The following ASAP2 variants were observed in gnomAD, a reference collection of about 807,000 sequenced individuals.
ASAP2 encodes arf-GAP with SH3 domain, ANK repeat and PH domain-containing protein 2.
ASAP2 carries 45 observed loss-of-function variants against 131.4 expected under a neutral mutation model. That is an observed-to-expected ratio of 0.34 (90% CI 0.27 to 0.44). ASAP2 has a LOEUF of 0.44. Ranked by LOEUF, ASAP2 falls within the 20% of genes least tolerant of loss-of-function variation. The probability of loss-of-function intolerance (pLI) is 1.00; values close to 1 mark genes in which losing one functional copy is unlikely to be tolerated. For synonymous variants in ASAP2, 510 were observed against 503.0 expected (o/e 1.01, Z -0.19); for missense variants, 1,011 against 1,297.0 (o/e 0.78, Z 3.39).
At chr2:9,328,896 T>C (rs773415860) in intron 7 of ASAP2, among the ~76,000 whole-genome samples, 34 of 152,238 alleles carry the variant, frequency 2.2e-4, no homozygotes, top group Non-Finnish European at 4.7e-4. Context: ...TTTTAAAGTA[T>C]AGGAATCTAA....
intron 1 of ASAP2, among the ~76,000 whole-genome samples, chr2:9,251,768 G>A (rs190548163): frequency 1.3e-5 from 2 of 152,072 alleles, no homozygotes; most frequent in Admixed American, 6.6e-5. Context: ...CAGGAATGAC[G>A]CAAGGGGAAG....
chr2:9,331,768 C>CA (rs1162279000), intron 7 of ASAP2, among the ~76,000 whole-genome samples: 7 of 147,564 alleles, frequency 4.7e-5, no homozygotes, highest in Non-Finnish European at 9.0e-5. Flanking sequence ...TTTTTTTTTT[C>CA]AAAAAAAATA....
At position 9,388,500 on chromosome 2, in the gene ASAP2, C is replaced by T. The variant is rs76960479; in HGVS notation, c.2337C>T (p.Pro779=). The T allele has an allele frequency of 3.1e-6, 5 of 1,613,720 alleles. No homozygotes were observed. The highest frequency in any genetic ancestry group is 3.4e-6 in the Non-Finnish European group (4 of 1,179,924). ...GSPPPAQPAA[P]STTSAPPLPP... ...CACCTCCCGCCCAGCCTGCAGCCCCCAGCACCACCAGCGCCCCCCCGCTTC... is the reference window on the plus strand; with the variant it reads ...CACCTCCCGCCCAGCCTGCAGCCCCTAGCACCACCAGCGCCCCCCCGCTTC... The change falls in exon 22 of 28, where the codon CCC becomes CCT. Residue 779 remains proline, a synonymous_variant. Coordinates refer to ENST00000281419, the MANE Select transcript of ASAP2 (RefSeq NM_003887.3).
chr2:9,295,698 A>T (rs1054850229), intron 2 of ASAP2, among the ~76,000 whole-genome samples: 1 of 152,152 alleles, frequency 6.6e-6, no homozygotes, highest in Non-Finnish European at 1.5e-5. Context: ...TTGTTTGCTG[A>T]ATCTGGTCTC....
At chr2:9,237,904 C>G (rs1663668191) in intron 1 of ASAP2, among the ~76,000 whole-genome samples, 1 of 152,150 alleles carries the variant, frequency 6.6e-6, no homozygotes, top group African/African-American at 2.4e-5. Context: ...TGATCTCTGT[C>G]CCAATTCAGA....
chr2:9,365,868 T>C (rs1241789471), intron 15 of ASAP2, among the ~76,000 whole-genome samples: 3 of 152,198 alleles, frequency 2.0e-5, no homozygotes, highest in African/African-American at 7.2e-5. Context: ...AGTGTGCTCC[T>C]GAGGCCACAG....
chr2:9,238,835 G>A (rs1394290384), intron 1 of ASAP2, among the ~76,000 whole-genome samples: 2 of 152,166 alleles, frequency 1.3e-5, no homozygotes, highest in Non-Finnish European at 1.5e-5. Flanking sequence ...CTGACTTGGT[G>A]GTTCTGGTGG....
chr2:9,276,497 C>G (rs1382824969), intron 1 of ASAP2, among the ~76,000 whole-genome samples: 1 of 152,124 alleles, frequency 6.6e-6, no homozygotes, highest in Non-Finnish European at 1.5e-5. Flanking sequence ...AGTGCCTGGG[C>G]TGGGACCTGC....
chr2:9,320,955 C>T (rs775094325), intron 5 of ASAP2, among the ~76,000 whole-genome samples: 2 of 152,106 alleles, frequency 1.3e-5, no homozygotes, highest in Non-Finnish European at 2.9e-5. Flanking sequence ...TGTAACTTCC[C>T]CAATCACAGT....
intron 1 of ASAP2, among the ~76,000 whole-genome samples, chr2:9,273,583 C>T (rs945992797): frequency 1.3e-5 from 2 of 152,104 alleles, no homozygotes; most frequent in African/African-American, 2.4e-5. Context: ...CTGGAGCATT[C>T]GGGGATCAGA....
At chr2:9,246,787 G>A (rs1288201244) in intron 1 of ASAP2, among the ~76,000 whole-genome samples, 1 of 152,114 alleles carries the variant, frequency 6.6e-6, no homozygotes. Context: ...TCATTCCTGG[G>A]ATACTCCTGG....
In ASAP2 at chr2:9,268,841, T is replaced by C. The variant is rs1310900975; in HGVS notation, c.127-10476T>C. Among the ~76,000 whole-genome samples, 1 of 152,098 alleles carries C rather than the reference T, an allele frequency of 6.6e-6. No homozygotes were observed. Among genetic ancestry groups the C allele is most frequent in the East Asian group, 1.9e-4 (1 of 5,182 alleles). On this transcript the variant is annotated intron_variant, in intron 1 of 27. Coordinates refer to ENST00000281419, the MANE Select transcript of ASAP2 (RefSeq NM_003887.3). The surrounding 1 kb of genome is among the most constrained non-coding windows in gnomAD (Gnocchi z 4.1). ...CTGCCTGAGTGCTGCAGGCCTCTGCTCTCCCCAGGGCAGCATCTTCGGGTT... is the reference window on the plus strand; with the variant it reads ...CTGCCTGAGTGCTGCAGGCCTCTGCCCTCCCCAGGGCAGCATCTTCGGGTT...
intron 1 of ASAP2, among the ~76,000 whole-genome samples, chr2:9,212,346 C>T (rs191608717): frequency 5.9e-5 from 9 of 152,228 alleles, no homozygotes; most frequent in Non-Finnish European, 7.4e-5. Flanking sequence ...GGTCCCAGGG[C>T]GTGGGGCTGT....
At chr2:9,249,439 G>A (rs1040796470) in intron 1 of ASAP2, among the ~76,000 whole-genome samples, 4 of 152,168 alleles carry the variant, frequency 2.6e-5, no homozygotes, top group East Asian at 1.9e-4. Context: ...CCCCTCACTT[G>A]GGCTTGTTCT....
intron 2 of ASAP2, among the ~76,000 whole-genome samples, chr2:9,285,550 G>A (rs1667409569): frequency 6.6e-6 from 1 of 152,204 alleles, no homozygotes; most frequent in South Asian, 2.1e-4. Context: ...TGATTTATGA[G>A]AAACTGTTTG....
intron 2 of ASAP2, among the ~76,000 whole-genome samples, chr2:9,286,836 C>T (rs1011416368): frequency 6.6e-6 from 1 of 151,930 alleles, no homozygotes; most frequent in African/African-American, 2.4e-5. Flanking sequence ...TTATGTACAC[C>T]GTGTGTGATT....
chr2:9,301,856 T>C (rs10178636), intron 3 of ASAP2, among the ~76,000 whole-genome samples: 50,026 of 143,710 alleles, frequency 0.35, 9,001 homozygotes, highest in African/African-American at 0.41. Flanking sequence ...CGGAGTCTCG[T>C]TCTGTTGTCC....
In ASAP2 at chr2:9,232,827, G is replaced by C. The variant is rs1295832996; in HGVS notation, c.126+25597G>C. ...GGGGACTTGATTCTTAGAGGGTAAT[G>C]GTTCGAAAGTTGAATTAGTGAGTGT... On this transcript the variant is annotated intron_variant, in intron 1 of 27. Coordinates refer to ENST00000281419, the MANE Select transcript of ASAP2 (RefSeq NM_003887.3). This position sits in a 1 kb window ranked among gnomAD's most constrained non-coding sequence, Gnocchi z 4.1. Among the ~76,000 whole-genome samples the C allele has an allele frequency of 2.0e-5, 3 of 152,076 alleles. No individual in the cohort carries two copies. Among genetic ancestry groups the C allele is most frequent in the African/African-American group, 4.8e-5 (2 of 41,388 alleles).
intron 1 of ASAP2, among the ~76,000 whole-genome samples, chr2:9,260,976 C>CT (rs754111877): frequency 6.6e-6 from 1 of 152,108 alleles, no homozygotes; most frequent in Non-Finnish European, 1.5e-5. Context: ...CCCTGGTGAA[C>CT]TTTAGATTCT....
Sources: allele counts gnomAD v4.1 joint callset (sites outside exome capture counted in the v4.1 genomes callset), GRCh38; gene constraint gnomAD v4.1.1; non-coding constraint Gnocchi (gnomAD v3.1); transcripts MANE v1.5; gene names NCBI Gene and HGNC (gene_info 2026-07-23, HGNC 2026-07-21).